Variants in MYCN observed in about 807,000 individuals in gnomAD.
MYCN encodes the protein MYCN proto-oncogene, bHLH transcription factor.
Under a neutral mutation model 28.1 loss-of-function variants are expected in MYCN, and 3 were observed. The observed-to-expected ratio is 0.11, with a 90% CI of 0.05 to 0.28. MYCN has a LOEUF of 0.28. Ranked by LOEUF, MYCN falls within the 10% of genes least tolerant of loss-of-function variation. The pLI is 1.00. For synonymous variants in MYCN, 326 were observed against 288.3 expected, an observed-to-expected ratio of 1.13 and a Z score of -1.32; for missense variants, 572 against 651.4, an observed-to-expected ratio of 0.88 and a Z score of 1.33.
chr2:15,945,607 G>T lies in MYCN; in HGVS notation c.905G>T (p.Arg302Leu). ...KAVTTFTITV[R>L]PKNAALGPGR... ...GTCACCACATTCACCATCACTGTGCGTCCCAAGAACGCAGCCCTGGGTCCC... is the reference window on the plus strand; with the variant it reads ...GTCACCACATTCACCATCACTGTGCTTCCCAAGAACGCAGCCCTGGGTCCC... Residue 302 changes from arginine (R) to leucine (L), a missense_variant, in exon 3 of 3, where the codon CGT becomes CTT. Around this residue, in one of 3 missense-constraint regions of MYCN, gnomAD observed 499 missense variants for 524.3 expected, o/e 0.95. Coordinates refer to ENST00000281043, the MANE Select transcript of MYCN (RefSeq NM_005378.6). This position sits in a 1 kb window ranked among gnomAD's most constrained non-coding sequence, Gnocchi z 4.8. 6.2e-7 allele frequency: 1 copy of T among 1,614,108 alleles called. No homozygotes were observed. The highest frequency in any genetic ancestry group is 1.3e-5 in the African/African-American group (1 of 75,008).
At position 15,942,047 on chromosome 2, in the gene MYCN, C is replaced by T. The variant is rs566883495; in HGVS notation, c.-18C>T. The T allele has an allele frequency of 1.2e-5, 19 of 1,613,174 alleles. No homozygotes were observed. Among genetic ancestry groups the T allele is most frequent in the Middle Eastern group, 1.6e-4 (1 of 6,062 alleles). The stretch of plus-strand genomic sequence containing the variant: ...GGGGCGGAAAGAAGCCCTCAGTCGC[C>T]GGCCGGGAGGCGAGCCGATGCCGAG... On this transcript the variant is annotated 5_prime_UTR_variant, in exon 2 of 3. Coordinates refer to ENST00000281043, the MANE Select transcript of MYCN (RefSeq NM_005378.6). This position sits in a 1 kb window ranked among gnomAD's most constrained non-coding sequence, Gnocchi z 7.0.
chr2:15,943,403 CTT>C (rs111360717), intron 2 of MYCN, among the ~76,000 whole-genome samples: 2 of 138,398 alleles, frequency 1.4e-5, no homozygotes. Context: ...TTTTCTTTTT[CTT>C]TTTTTTTTTT....
chr2:15,943,250 C>CG (rs1247265741), intron 2 of MYCN, among the ~76,000 whole-genome samples: 1 of 151,962 alleles, frequency 6.6e-6, no homozygotes, highest in African/African-American at 2.4e-5. Flanking sequence ...AACCTGTTAG[C>CG]GCAGGGGTGA....
Position 15,945,938 on chromosome 2 carries a change from A to G in MYCN, c.1236A>G (p.Val412=). ...LTLRDHVPEL[V]KNEKAAKVVI... ...TCAGGGACCACGTGCCGGAGTTGGT[A>G]AAGAATGAGAAGGCCGCCAAGGTGG... The change falls in exon 3 of 3, where the codon GTA becomes GTG. Residue 412 remains valine, a synonymous_variant. Coordinates refer to ENST00000281043, the MANE Select transcript of MYCN (RefSeq NM_005378.6). This position sits in a 1 kb window ranked among gnomAD's most constrained non-coding sequence, Gnocchi z 4.8. 1 of 1,614,166 alleles carries G rather than the reference A, an allele frequency of 6.2e-7. No homozygotes were observed. The highest frequency in any genetic ancestry group is 1.3e-5 in the African/African-American group (1 of 75,064).
intron 2 of MYCN, among the ~76,000 whole-genome samples, chr2:15,943,561 C>T (rs932742175): frequency 6.6e-6 from 1 of 152,144 alleles, no homozygotes; most frequent in Non-Finnish European, 1.5e-5. Context: ...GGCACCCTCC[C>T]TCCCTCCATT....
At position 15,942,337 on chromosome 2, in the gene MYCN, G is replaced by A. The variant is rs2103324473; in HGVS notation, c.273G>A (p.Pro91=). The stretch of plus-strand genomic sequence containing the variant: ...TTGAGAACGAGCTGTGGGGCAGCCC[G>A]GCCGAGGAGGACGCGTTCGGCCTGG... ...MLLENELWGS[P]AEEDAFGLGG... is the part of the protein sequence containing the mutation. The change falls in exon 2 of 3, where the codon CCG becomes CCA. Residue 91 remains proline (P), a synonymous_variant. Transcript: ENST00000281043. This position sits in a 1 kb window ranked among gnomAD's most constrained non-coding sequence, Gnocchi z 7.0. The A allele has an allele frequency of 6.2e-7, 1 of 1,607,252 alleles. No homozygotes were observed. Among genetic ancestry groups the A allele is most frequent in the Non-Finnish European group, 8.5e-7 (1 of 1,177,752 alleles).
rs776698783 is a variant in MYCN, at chr2:15,942,750, C to T, written c.686C>T (p.Ala229Val). The T allele has an allele frequency of 2.9e-6, 4 of 1,384,922 alleles. No individual in the cohort carries two copies. The highest frequency in any genetic ancestry group is 2.6e-5 in the Admixed American group (1 of 38,754). The allele number at this position is 1,384,922 out of a possible 1,614,324, so 85.8% of individuals were successfully genotyped here. A position where few individuals can be genotyped will look rare whatever the true frequency, so the allele number is the denominator to read the frequency against. Reference protein sequence around the residue: ...VASGAGIAAPAGAPGVAPPRP... With the variant: ...VASGAGIAAPVGAPGVAPPRP... ...TCGGGGGCGGGTATTGCCGCCCCAG[C>T]CGGGGCCCCGGGGGTCGCCCCTCCG... Residue 229 changes from alanine to valine, a missense_variant, in exon 2 of 3, where the codon GCC (alanine) becomes GTC (valine). Ala to Val is a moderately conservative substitution (Grantham distance 64). Around this residue, in one of 3 missense-constraint regions of MYCN, gnomAD observed 499 missense variants for 524.3 expected, o/e 0.95. Transcript: ENST00000281043. This position sits in a 1 kb window ranked among gnomAD's most constrained non-coding sequence, Gnocchi z 7.0.
At position 15,942,913 on chromosome 2, in the gene MYCN, C is replaced by G; in HGVS notation, c.790+59C>G. 1 of 1,528,098 alleles carries G rather than the reference C, an allele frequency of 6.5e-7. No homozygotes were observed. The highest frequency in any genetic ancestry group is 1.2e-5 in the South Asian group (1 of 84,068). 94.7% of individuals were successfully genotyped at this position (1,528,098 alleles called of 1,614,324 possible). On this transcript the variant is annotated intron_variant, in intron 2 of 2. Coordinates refer to ENST00000281043, the MANE Select transcript of MYCN (RefSeq NM_005378.6). The surrounding 1 kb of genome is among the most constrained non-coding windows in gnomAD (Gnocchi z 7.0). Reference sequence around the variant, plus strand: ...GGGGCACTGGACCCCGGGTCGCGTCCCCTTTGTTAGTGCTCGTATGTCTTG... The same window carrying G: ...GGGGCACTGGACCCCGGGTCGCGTCGCCTTTGTTAGTGCTCGTATGTCTTG...
Position 15,946,323 on chromosome 2 carries a change from C to T in MYCN, c.*226C>T, listed in dbSNP as rs1403967389. ...CCTGCAGCCTCCTCCACCTCACCTC[C>T]ATGACAGCGCTAAACGTTGGTGACG... On this transcript the variant is annotated 3_prime_UTR_variant, in exon 3 of 3. Coordinates refer to ENST00000281043, the MANE Select transcript of MYCN (RefSeq NM_005378.6). The T allele has an allele frequency of 3.3e-6, 2 of 605,374 alleles. No homozygotes were observed. The highest frequency in any genetic ancestry group is 5.7e-5 in the Admixed American group (2 of 35,006). The allele number at this position is 605,374 out of a possible 1,614,324, so 37.5% of individuals were successfully genotyped here. A position where few individuals can be genotyped will look rare whatever the true frequency, so the allele number is the denominator to read the frequency against.
rs1434896052 is a variant in MYCN, at chr2:15,946,408, A to G, written c.*311A>G. 5 of 462,930 alleles carry G rather than the reference A, an allele frequency of 1.1e-5. No homozygotes were observed. The highest frequency in any genetic ancestry group is 3.5e-5 in the Admixed American group (1 of 28,286). The allele number at this position is 462,930 out of a possible 1,614,324, so 28.7% of individuals were successfully genotyped here. A position where few individuals can be genotyped will look rare whatever the true frequency, so the allele number is the denominator to read the frequency against. ...TGTGTTCCAAGTTTCCAAACAACAG[A>G]AAGTCATTCCTTCTTTTTAAAATGG... On this transcript the variant is annotated 3_prime_UTR_variant, in exon 3 of 3. Transcript: ENST00000281043.
At position 15,941,877 on chromosome 2, in the gene MYCN, G is replaced by C. The variant is rs1662686852; in HGVS notation, c.-117-71G>C. On this transcript the variant is annotated intron_variant, in intron 1 of 2. Coordinates refer to ENST00000281043, the MANE Select transcript of MYCN (RefSeq NM_005378.6). This position sits in a 1 kb window ranked among gnomAD's most constrained non-coding sequence, Gnocchi z 4.8. ...GGAAGATTGGGGAACCTGGTTAGAG[G>C]GGGCGCCCATTGCCTATCCCCTCGG... 6 of 653,102 alleles carry C rather than the reference G, an allele frequency of 9.2e-6. No homozygotes were observed. The highest frequency in any genetic ancestry group is 1.6e-5 in the Non-Finnish European group (6 of 377,184). The allele number at this position is 653,102 out of a possible 1,614,324, so 40.5% of individuals were successfully genotyped here.
In MYCN at chr2:15,945,957, A is replaced by G. The variant is rs1662862186; in HGVS notation, c.1255A>G (p.Lys419Glu). The change falls in exon 3 of 3, where the codon AAG becomes GAG. Residue 419 changes from lysine (K) to glutamate (E), a missense_variant. Physicochemically the swap from Lys to Glu is moderately conservative, Grantham distance 56 (BLOSUM62 1). Coordinates refer to ENST00000281043, the MANE Select transcript of MYCN (RefSeq NM_005378.6). This position sits in a 1 kb window ranked among gnomAD's most constrained non-coding sequence, Gnocchi z 4.8. ...PELVKNEKAA[K>E]VVILKKATEY... The stretch of plus-strand genomic sequence containing the variant: ...GTTGGTAAAGAATGAGAAGGCCGCC[A>G]AGGTGGTCATTTTGAAAAAGGCCAC... 1 of 1,614,054 alleles carries G rather than the reference A, an allele frequency of 6.2e-7. No individual in the cohort carries two copies.
chr2:15,940,976 G>C (rs902222273), intron 1 of MYCN: 3 of 389,942 alleles, frequency 7.7e-6, no homozygotes, highest in African/African-American at 2.1e-5. Flanking sequence ...GCCCTTACCG[G>C]GGGGAGTAAT....
rs1435293916 is a variant in MYCN at position 15,942,035 on chromosome 2, G to T, written c.-30G>T. The T allele has an allele frequency of 1.9e-6, 3 of 1,612,788 alleles. No homozygotes were observed. In the African/African-American group the frequency reaches 4.0e-5, roughly 22 times the overall value. Reference sequence around the variant, plus strand: ...ATTAAAACGAACGGGGCGGAAAGAAGCCCTCAGTCGCCGGCCGGGAGGCGA... The same window carrying T: ...ATTAAAACGAACGGGGCGGAAAGAATCCCTCAGTCGCCGGCCGGGAGGCGA... On this transcript the variant is annotated 5_prime_UTR_variant, in exon 2 of 3. Transcript: ENST00000281043. The surrounding 1 kb of genome is among the most constrained non-coding windows in gnomAD (Gnocchi z 7.0).
In MYCN at chr2:15,942,742, C is replaced by T. The variant is rs894007833; in HGVS notation, c.678C>T (p.Ala226=). The T allele has an allele frequency of 6.7e-6, 9 of 1,349,162 alleles. No individual in the cohort carries two copies. In the African/African-American group the frequency reaches 1.1e-4, roughly 16 times the overall value. The allele number at this position is 1,349,162 out of a possible 1,614,324, so 83.6% of individuals were successfully genotyped here. ...CGGTCGCCTCGGGGGCGGGTATTGC[C>T]GCCCCAGCCGGGGCCCCGGGGGTCG... The part of the protein sequence containing the change: ...GPAVASGAGI[A]APAGAPGVAP... The change falls in exon 2 of 3, where the codon GCC becomes GCT. Residue 226 remains alanine (A), a synonymous_variant. Transcript: ENST00000281043. This position sits in a 1 kb window ranked among gnomAD's most constrained non-coding sequence, Gnocchi z 7.0.
rs757360369 is a variant in MYCN at position 15,942,285 on chromosome 2, C to T, written c.221C>T (p.Pro74Leu). 3.1e-6 allele frequency: 5 copies of T among 1,611,132 alleles called. No homozygotes were observed. Among genetic ancestry groups the T allele is most frequent in the East Asian group, 2.2e-5 (1 of 44,802 alleles). ...SRGFAEHSSE[P>L]PSWVTEMLLE... ...GGCTTCGCGGAGCACAGCTCCGAGC[C>T]CCCGAGCTGGGTCACGGAGATGCTG... The change falls in exon 2 of 3, where the codon CCC (proline) becomes CTC (leucine). Residue 74 changes from proline to leucine, a missense_variant. This residue lies in a region of MYCN where 499 missense variants were observed against 524.3 expected (regional missense o/e 0.95). Coordinates refer to ENST00000281043, the MANE Select transcript of MYCN (RefSeq NM_005378.6). This position sits in a 1 kb window ranked among gnomAD's most constrained non-coding sequence, Gnocchi z 7.0.
At position 15,942,347 on chromosome 2, in the gene MYCN, G is replaced by A. The variant is rs774081987; in HGVS notation, c.283G>A (p.Asp95Asn). 6.2e-7 allele frequency: 1 copy of A among 1,607,256 alleles called. No homozygotes were observed. The highest frequency in any genetic ancestry group is 8.5e-7 in the Non-Finnish European group (1 of 1,177,824). The change falls in exon 2 of 3, where the codon GAC (aspartate) becomes AAC (asparagine). Residue 95 changes from aspartate to asparagine, a missense_variant. By Grantham distance (23) the Asp-to-Asn change is conservative. Around this residue, in one of 3 missense-constraint regions of MYCN, gnomAD observed 499 missense variants for 524.3 expected, o/e 0.95. Coordinates refer to ENST00000281043, the MANE Select transcript of MYCN (RefSeq NM_005378.6). The surrounding 1 kb of genome is among the most constrained non-coding windows in gnomAD (Gnocchi z 7.0). ...NELWGSPAEE[D>N]AFGLGGLGGL... ...GCTGTGGGGCAGCCCGGCCGAGGAG[G>A]ACGCGTTCGGCCTGGGGGGACTGGG...
chr2:15,945,469 G>T lies in MYCN; in HGVS notation c.791-24G>T. ...TTTCATTCAAATGGTTCTCACATGA[G>T]AGTAACTAGCATCTTTCTCTCAGAT... On this transcript the variant is annotated intron_variant, in intron 2 of 2. Transcript: ENST00000281043. The surrounding 1 kb of genome is among the most constrained non-coding windows in gnomAD (Gnocchi z 4.8). The T allele has an allele frequency of 6.3e-7, 1 of 1,579,586 alleles. No individual in the cohort carries two copies. Among genetic ancestry groups the T allele is most frequent in the African/African-American group, 1.3e-5 (1 of 74,364 alleles).
rs1662836724 is a variant in MYCN at position 15,945,478 on chromosome 2, G to T, written c.791-15G>T. 5.7e-6 allele frequency: 9 copies of T among 1,589,192 alleles called. No homozygotes were observed. Among genetic ancestry groups the T allele is most frequent in the Non-Finnish European group, 7.7e-6 (9 of 1,166,744 alleles). On this transcript the variant is annotated splice_polypyrimidine_tract_variant and intron_variant, in intron 2 of 2. Coordinates refer to ENST00000281043, the MANE Select transcript of MYCN (RefSeq NM_005378.6). The surrounding 1 kb of genome is among the most constrained non-coding windows in gnomAD (Gnocchi z 4.8). ...AATGGTTCTCACATGAGAGTAACTA[G>T]CATCTTTCTCTCAGATGATGAAGAT... is the stretch of plus-strand genomic sequence containing the variant.
Sources: allele counts gnomAD v4.1 joint callset (sites outside exome capture counted in the v4.1 genomes callset), GRCh38; gene constraint gnomAD v4.1.1; regional missense constraint gnomAD v4.1.1; non-coding constraint Gnocchi (gnomAD v3.1); transcripts MANE v1.5; gene names NCBI Gene and HGNC (gene_info 2026-07-23, HGNC 2026-07-21).